OR11A1: variants seen among roughly 807,000 people sequenced by gnomAD.
OR11A1 encodes the protein olfactory receptor family 11 subfamily A member 1.
For synonymous variants in OR11A1, 158 were observed against 152.2 expected, an observed-to-expected ratio of 1.04 and a Z score of -0.28; for missense variants, 380 against 378.2, an observed-to-expected ratio of 1.00 and a Z score of -0.04.
At chr6:29,438,945 A>G (rs1223681551) in intron 1 of OR11A1, among the ~76,000 whole-genome samples, 1 of 152,250 alleles carries the variant, frequency 6.6e-6, no homozygotes, top group Non-Finnish European at 1.5e-5. Context: ...CCCCCAGAGG[A>G]GAATGAACCA....
At chr6:29,432,563 A>G (rs779501448) in intron 1 of OR11A1, among the ~76,000 whole-genome samples, 12 of 152,280 alleles carry the variant, frequency 7.9e-5, no homozygotes, top group Non-Finnish European at 1.3e-4. Flanking sequence ...GGGGTGTTTT[A>G]TATAGATCAT....
At chr6:29,443,375 A>G (rs1784403445) in intron 1 of OR11A1, among the ~76,000 whole-genome samples, 1 of 152,126 alleles carries the variant, frequency 6.6e-6, no homozygotes, top group African/African-American at 2.4e-5. Context: ...AAATTATAAA[A>G]TATGTACTCT....
intron 1 of OR11A1, chr6:29,450,667 C>T (rs1383978358): frequency 1.3e-5 from 2 of 151,976 alleles, no homozygotes. Flanking sequence ...AAGACCTCTA[C>T]AACAAGCAAG....
chr6:29,438,505 T>C (rs1303785095), intron 1 of OR11A1, among the ~76,000 whole-genome samples: 1 of 152,162 alleles, frequency 6.6e-6, no homozygotes, highest in Non-Finnish European at 1.5e-5. Context: ...TATTACTTTT[T>C]GTAGATGTAC....
chr6:29,428,384 C>A (rs1180132064), intron 4 of OR11A1: 6 of 985,198 alleles, frequency 6.1e-6, no homozygotes, highest in African/African-American at 1.8e-5. Flanking sequence ...GGTTGTGGGG[C>A]AGAAGGTGTG....
At chr6:29,440,024 A>C in intron 1 of OR11A1, 1 of 1,612,726 alleles carries the variant, frequency 6.2e-7, no homozygotes, top group South Asian at 1.1e-5. Context: ...GGATGAGTGC[A>C]AACACCTCCA....
Position 29,427,264 on chromosome 6 carries a change from T to A in OR11A1, c.378A>T (p.Ala126=). ...LAVMAYDRYL[A]ICYPLHYPLL... ...GTGGGTAGTGGAGTGGGTAGCAAATTGCCAGGTAGCGGTCATATGCCATGA... is the reference window on the plus strand; with the variant it reads ...GTGGGTAGTGGAGTGGGTAGCAAATAGCCAGGTAGCGGTCATATGCCATGA... The change falls in exon 5 of 5, where the codon GCA becomes GCT. Residue 126 remains alanine, a synonymous_variant. Transcript: ENST00000377149. 6.2e-7 allele frequency: 1 copy of A among 1,613,042 alleles called. No homozygotes were observed. The highest frequency in any genetic ancestry group is 8.5e-7 in the Non-Finnish European group (1 of 1,180,018).
intron 1 of OR11A1, among the ~76,000 whole-genome samples, chr6:29,446,518 A>G (rs184115195): frequency 5.3e-5 from 8 of 152,206 alleles, no homozygotes; most frequent in Admixed American, 1.3e-4. Context: ...AACCAATTAG[A>G]GGCACTGCAG....
Position 29,426,934 on chromosome 6 carries a change from TCTC to T in OR11A1, c.705_707del (p.Arg237del). ...GGGAGGAGCATGTGGAGAAAGCCCT[TCTC>T]CTGCTTGCCCCAGCAGGAACTCTCA... On this transcript the variant is annotated inframe_deletion, in exon 5 of 5. Coordinates refer to ENST00000377149, the MANE Select transcript of OR11A1 (RefSeq NM_001394828.1). The T allele has an allele frequency of 6.2e-7, 1 of 1,612,984 alleles. No individual in the cohort carries two copies. Among genetic ancestry groups the T allele is most frequent in the Non-Finnish European group, 8.5e-7 (1 of 1,180,020 alleles).
intron 1 of OR11A1, among the ~76,000 whole-genome samples, chr6:29,442,116 C>T (rs970440445): frequency 6.6e-6 from 1 of 152,138 alleles, no homozygotes; most frequent in African/African-American, 2.4e-5. Context: ...AGCGCAAAGG[C>T]TAATGTTTGG....
intron 1 of OR11A1, among the ~76,000 whole-genome samples, chr6:29,433,892 G>T (rs1016743040): frequency 6.6e-6 from 1 of 151,982 alleles, no homozygotes. Flanking sequence ...ATCTTATTGT[G>T]AATTTAATTT....
At chr6:29,452,246 G>A (rs1036189290) in intron 1 of OR11A1, among the ~76,000 whole-genome samples, 26 of 152,040 alleles carry the variant, frequency 1.7e-4, no homozygotes, top group African/African-American at 5.3e-4. Flanking sequence ...CTACCTAGGT[G>A]ACAAAATCAT....
chr6:29,446,695 A>C (rs1784810405), intron 1 of OR11A1, among the ~76,000 whole-genome samples: 1 of 152,252 alleles, frequency 6.6e-6, no homozygotes, highest in African/African-American at 2.4e-5. Context: ...AGAAGTTAAA[A>C]GTCATCTCTC....
chr6:29,448,010 C>CAT (rs1784948797), intron 1 of OR11A1, among the ~76,000 whole-genome samples: 1 of 79,934 alleles, frequency 1.3e-5, no homozygotes, highest in Non-Finnish European at 2.3e-5. Flanking sequence ...ATGACCCTTT[C>CAT]TTTTTTTTTT....
At position 29,439,684 on chromosome 6, in the gene OR11A1, A is replaced by G. The variant is rs193085558; in HGVS notation, c.-388-7697T>C. The G allele has an allele frequency of 1.2e-4, 43 of 346,680 alleles. No individual in the cohort carries two copies. The East Asian group carries it at 2.2e-3, about 17-fold the overall frequency. The allele number at this position is 346,680 out of a possible 1,614,324, so 21.5% of individuals were successfully genotyped here. A position where few individuals can be genotyped will look rare whatever the true frequency, so the allele number is the denominator to read the frequency against. On this transcript the variant is annotated intron_variant, in intron 1 of 4. Transcript: ENST00000377149. The stretch of plus-strand genomic sequence containing the variant: ...GAAAATCAGAAAAGAGTGAAAAGGG[A>G]GCTAGACTGACTTAATCTTCAGCCC...
chr6:29,434,918 G>GATT (rs942966332), intron 1 of OR11A1, among the ~76,000 whole-genome samples: 4 of 152,182 alleles, frequency 2.6e-5, no homozygotes, highest in African/African-American at 9.7e-5. Flanking sequence ...GACGTGAAAA[G>GATT]ATTATAAGTA....
Position 29,432,164 on chromosome 6 carries a change from C to G in OR11A1, c.-388-177G>C, listed in dbSNP as rs189325514. The G allele has an allele frequency of 1.5e-5, 3 of 198,842 alleles. No homozygotes were observed. The East Asian group carries it at 5.6e-4, about 37-fold the overall frequency. The allele number at this position is 198,842 out of a possible 1,614,324, so 12.3% of individuals were successfully genotyped here. ...GGAAATTGCCACAAAGGGAGAGGCCCCTGAGAACCAATTACAGATTTACTG... is the reference window on the plus strand; with the variant it reads ...GGAAATTGCCACAAAGGGAGAGGCCGCTGAGAACCAATTACAGATTTACTG... On this transcript the variant is annotated intron_variant, in intron 1 of 4. Transcript: ENST00000377149.
chr6:29,436,028 C>T (rs1255174099), intron 1 of OR11A1, among the ~76,000 whole-genome samples: 1 of 152,194 alleles, frequency 6.6e-6, no homozygotes, highest in African/African-American at 2.4e-5. Flanking sequence ...ATAGAGTTGA[C>T]CTTCATTATT....
chr6:29,455,893 A>G (rs1265602544), intron 1 of OR11A1, among the ~76,000 whole-genome samples: 1 of 147,880 alleles, frequency 6.8e-6, no homozygotes, highest in African/African-American at 2.4e-5. Context: ...AAAAAAAAAA[A>G]AGGAAATCCT....
Sources: gnomAD v4.1 joint callset for allele counts (sites outside exome capture counted in the v4.1 genomes callset) on GRCh38, gnomAD v4.1.1 for gene constraint, MANE v1.5 for transcripts, NCBI Gene and HGNC (gene_info 2026-07-23, HGNC 2026-07-21) for gene names.